The following SLCO1B1 variants were observed in gnomAD, a reference collection of about 807,000 sequenced individuals.
SLCO1B1 encodes the protein solute carrier organic anion transporter family member 1B1.
Under a neutral mutation model 70.1 loss-of-function variants are expected in SLCO1B1, and 81 were observed. The ratio of observed to expected loss-of-function variants is 1.16; its 90% CI spans 0.97 to 1.39. The LOEUF (loss-of-function observed/expected upper bound fraction) is 1.39, where lower values mean the gene tolerates loss of function less well. Among genes scored for constraint, SLCO1B1 ranks in the 40% most tolerant of loss-of-function variants. The pLI is 0.00. For missense variants in SLCO1B1, 895 were observed against 799.6 expected (o/e 1.12, Z -1.44); for synonymous variants, 283 against 271.5 (o/e 1.04, Z -0.42).
intron 2 of SLCO1B1, among the ~76,000 whole-genome samples, chr12:21,167,724 A>T (rs542346627): frequency 1.3e-5 from 2 of 152,126 alleles, no homozygotes; most frequent in African/African-American, 2.4e-5. Context: ...TATCCACTAA[A>T]CTATCTTCTC....
chr12:21,168,061 T>C (rs1940710827), intron 2 of SLCO1B1, among the ~76,000 whole-genome samples: 1 of 151,886 alleles, frequency 6.6e-6, no homozygotes, highest in South Asian at 2.1e-4. Flanking sequence ...GACCTCGTGA[T>C]CCGCCCACCT....
At chr12:21,205,656 G>A (rs1941206811) in intron 10 of SLCO1B1, among the ~76,000 whole-genome samples, 1 of 148,878 alleles carries the variant, frequency 6.7e-6, no homozygotes. Context: ...GTCATGTATT[G>A]GCAAAGATGG....
intron 11 of SLCO1B1, among the ~76,000 whole-genome samples, chr12:21,214,260 T>C (rs1245763274): frequency 1.3e-5 from 2 of 152,014 alleles, no homozygotes; most frequent in South Asian, 4.1e-4. Context: ...TCGTTTCTGT[T>C]TGTTAGTTTT....
intron 2 of SLCO1B1, among the ~76,000 whole-genome samples, chr12:21,158,785 C>G (rs1940574878): frequency 6.6e-6 from 1 of 151,898 alleles, no homozygotes; most frequent in African/African-American, 2.4e-5. Flanking sequence ...GATGCTCATA[C>G]AAATACACAT....
intron 14 of SLCO1B1, among the ~76,000 whole-genome samples, chr12:21,230,393 C>T (rs138711396): frequency 1.7e-4 from 23 of 132,216 alleles, no homozygotes; most frequent in Admixed American, 2.7e-4. Flanking sequence ...GGCAATGGTG[C>T]GATCATGGCT....
chr12:21,136,722 A>G (rs1940228083), intron 1 of SLCO1B1, among the ~76,000 whole-genome samples: 1 of 151,956 alleles, frequency 6.6e-6, no homozygotes, highest in Non-Finnish European at 1.5e-5. Flanking sequence ...TATTCTAGTT[A>G]TCCATTTGTC....
rs1395486593 is a variant in SLCO1B1, at chr12:21,159,398, G to C, written c.85-13252G>C. Among the ~76,000 whole-genome samples, 3 of 151,928 alleles carry C rather than the reference G, an allele frequency of 2.0e-5. No individual in the cohort carries two copies. In the East Asian group the frequency reaches 5.8e-4, roughly 29 times the overall value. The stretch of plus-strand genomic sequence containing the variant: ...TTTAATACAGGTCTCATTTGAATTA[G>C]ATAAACTTATATTCTATACCTGAAT... On this transcript the variant is annotated intron_variant, in intron 2 of 14. Transcript: ENST00000256958.
chr12:21,211,846 C>A (rs978755541), intron 11 of SLCO1B1, among the ~76,000 whole-genome samples: 2 of 151,770 alleles, frequency 1.3e-5, no homozygotes, highest in African/African-American at 4.8e-5. Context: ...AGTTTATTTG[C>A]GTAGAGGTGT....
chr12:21,182,815 G>C (rs1564366), intron 7 of SLCO1B1, among the ~76,000 whole-genome samples: 106,064 of 151,936 alleles, frequency 0.7, 38,004 homozygotes, highest in South Asian at 0.89. Context: ...GAAGAATTCT[G>C]AATCTCAGAA....
chr12:21,203,517 T>C (rs1251767803), intron 10 of SLCO1B1, among the ~76,000 whole-genome samples: 1 of 152,082 alleles, frequency 6.6e-6, no homozygotes. Flanking sequence ...TGCTTACTAC[T>C]GGTGCTGAGC....
In SLCO1B1 at chr12:21,137,580, T is replaced by C. The variant is rs1176826551; in HGVS notation, c.-61-3934T>C. Among the ~76,000 whole-genome samples, 5 of 152,152 alleles carry C rather than the reference T, an allele frequency of 3.3e-5. No individual in the cohort carries two copies. The South Asian group carries it at 6.2e-4, about 19-fold the overall frequency. ...GCCTCGCTGCCACCTTGCAGTTTGATCTTGGATGGCTGTGCTTGCAATGAG... is the reference window on the plus strand; with the variant it reads ...GCCTCGCTGCCACCTTGCAGTTTGACCTTGGATGGCTGTGCTTGCAATGAG... On this transcript the variant is annotated intron_variant, in intron 1 of 14. Coordinates refer to ENST00000256958, the MANE Select transcript of SLCO1B1 (RefSeq NM_006446.5).
chr12:21,162,282 TA>T (rs1360813070), intron 2 of SLCO1B1, among the ~76,000 whole-genome samples: 5 of 152,114 alleles, frequency 3.3e-5, no homozygotes, highest in African/African-American at 7.2e-5. Context: ...TAATTGACTA[TA>T]TTTTTTTATT....
intron 2 of SLCO1B1, among the ~76,000 whole-genome samples, chr12:21,144,097 T>A (rs1474360854): frequency 6.6e-6 from 1 of 152,136 alleles, no homozygotes; most frequent in Non-Finnish European, 1.5e-5. Context: ...GTTTCATCAT[T>A]ACACTTGTCA....
intron 14 of SLCO1B1, among the ~76,000 whole-genome samples, chr12:21,226,058 T>A (rs1259405896): frequency 6.6e-6 from 1 of 152,120 alleles, no homozygotes; most frequent in East Asian, 1.9e-4. Context: ...AAGTGACCTA[T>A]CAACTCACAA....
intron 2 of SLCO1B1, among the ~76,000 whole-genome samples, chr12:21,147,033 A>G (rs1179699596): frequency 1.3e-5 from 2 of 152,130 alleles, no homozygotes; most frequent in Non-Finnish European, 1.5e-5. Flanking sequence ...TCCAAATACC[A>G]TAGTGTATTC....
chr12:21,136,071 G>A (rs1211486629), intron 1 of SLCO1B1, among the ~76,000 whole-genome samples: 5 of 152,036 alleles, frequency 3.3e-5, no homozygotes, highest in African/African-American at 4.8e-5. Context: ...GAAGGATTTT[G>A]TTTCTCCTTC....
At chr12:21,171,850 A>C (rs1243388691) in intron 2 of SLCO1B1, among the ~76,000 whole-genome samples, 1 of 152,042 alleles carries the variant, frequency 6.6e-6, no homozygotes, top group East Asian at 1.9e-4. Context: ...AGAGAGAGAG[A>C]GAAAGAGAGA....
At chr12:21,183,411 A>T (rs572469799) in intron 7 of SLCO1B1, among the ~76,000 whole-genome samples, 4 of 152,088 alleles carry the variant, frequency 2.6e-5, no homozygotes, top group Non-Finnish European at 5.9e-5. Context: ...GCCCAGGCTG[A>T]TCTCAAACTT....
At chr12:21,221,904 A>G (rs987839) in intron 12 of SLCO1B1, among the ~76,000 whole-genome samples, 74,634 of 151,754 alleles carry the variant, frequency 0.49, 18,702 homozygotes, top group East Asian at 0.73. Flanking sequence ...CAACTATTGG[A>G]TATCTACCAA....
Sources: gnomAD v4.1 joint callset for allele counts (sites outside exome capture counted in the v4.1 genomes callset) on GRCh38, gnomAD v4.1.1 for gene constraint, MANE v1.5 for transcripts, NCBI Gene and HGNC (gene_info 2026-07-23, HGNC 2026-07-21) for gene names.